The following MAN1C1 variants were observed in gnomAD, a reference collection of about 807,000 sequenced individuals.
MAN1C1 encodes the protein mannosidase alpha class 1C member 1, also known as mannosyl-oligosaccharide 1,2-alpha-mannosidase IC.
A neutral mutation model predicts 71.5 loss-of-function variants in MAN1C1; 49 were observed. That is an observed-to-expected ratio of 0.69 (90% CI 0.54 to 0.87). MAN1C1 has a LOEUF of 0.87. Among genes scored for constraint, MAN1C1 ranks in the 40% least tolerant of loss-of-function variants. The pLI is 0.00. For synonymous variants in MAN1C1, 352 were observed against 343.7 expected, an observed-to-expected ratio of 1.02 and a Z score of -0.27; for missense variants, 743 against 835.0, an observed-to-expected ratio of 0.89 and a Z score of 1.36.
chr1:25,782,436 G>T lies in MAN1C1; in HGVS notation c.1651-149G>T. On this transcript the variant is annotated intron_variant, in intron 10 of 11. Transcript: ENST00000374332. This position sits in a 1 kb window ranked among gnomAD's most constrained non-coding sequence, Gnocchi z 4.4. ...CCCCGAAAGAATAATTTGACCTTCT[G>T]TTCCCACAAATGCCAGGAGTCCCCA... is the stretch of plus-strand genomic sequence containing the variant. 1.7e-6 allele frequency: 1 copy of T among 605,822 alleles called. No individual in the cohort carries two copies. 37.5% of individuals were successfully genotyped at this position (605,822 alleles called of 1,614,324 possible).
chr1:25,650,387 C>G (rs931463531), intron 1 of MAN1C1, among the ~76,000 whole-genome samples: 1 of 152,172 alleles, frequency 6.6e-6, no homozygotes, highest in African/African-American at 2.4e-5. Flanking sequence ...GGGTTCAGAG[C>G]CTTTTATTAC....
intron 2 of MAN1C1, among the ~76,000 whole-genome samples, chr1:25,726,005 G>A (rs866437344): frequency 3.9e-5 from 6 of 152,208 alleles, no homozygotes; most frequent in Non-Finnish European, 5.9e-5. Context: ...GATCACAAAG[G>A]GCCATTTACA....
chr1:25,780,415 CTCGAAGTT>C (rs2047677116), intron 9 of MAN1C1, among the ~76,000 whole-genome samples: 1 of 152,122 alleles, frequency 6.6e-6, no homozygotes, highest in African/African-American at 2.4e-5. Flanking sequence ...TTCCCAAACT[CTCGAAGTT>C]TGTTCTGGGA....
At chr1:25,708,563 C>G (rs568716639) in intron 2 of MAN1C1, among the ~76,000 whole-genome samples, 1 of 152,270 alleles carries the variant, frequency 6.6e-6, no homozygotes, top group East Asian at 1.9e-4. Flanking sequence ...CAGTAGGTCT[C>G]AGCTTCATTT....
chr1:25,750,749 C>G (rs2047203081), intron 4 of MAN1C1, among the ~76,000 whole-genome samples: 1 of 152,184 alleles, frequency 6.6e-6, no homozygotes. Context: ...GCCTGAATTT[C>G]ATTTGAAAAC....
intron 1 of MAN1C1, among the ~76,000 whole-genome samples, chr1:25,666,816 G>T (rs180760114): frequency 6.6e-6 from 1 of 152,168 alleles, no homozygotes; most frequent in African/African-American, 2.4e-5. Flanking sequence ...AAAGAGTCCC[G>T]GTGAGCCACC....
chr1:25,692,066 C>G (rs910609561), intron 2 of MAN1C1, among the ~76,000 whole-genome samples: 1 of 152,176 alleles, frequency 6.6e-6, no homozygotes, highest in East Asian at 1.9e-4. Flanking sequence ...GTTGAGGAAA[C>G]CAAGGCTCAG....
At chr1:25,726,740 G>A (rs1315934648) in intron 2 of MAN1C1, among the ~76,000 whole-genome samples, 3 of 152,042 alleles carry the variant, frequency 2.0e-5, no homozygotes, top group Non-Finnish European at 4.4e-5. Flanking sequence ...CTACACTGCA[G>A]TATAATTATG....
intron 10 of MAN1C1, 191 bp downstream of exon 10, chr1:25,781,303 T>C (rs2047691451): frequency 3.2e-6 from 2 of 617,894 alleles, no homozygotes; most frequent in East Asian, 2.8e-5. Context: ...AAAGTTGTCC[T>C]GAGACAGGAC....
In MAN1C1 at chr1:25,783,693, C is replaced by T. The variant is rs1164669599; in HGVS notation, c.1797C>T (p.Asp599=). The change falls in exon 12 of 12, where the codon GAC becomes GAT. Residue 599 remains aspartate (D), a synonymous_variant. Transcript: ENST00000374332. ...TCTATCTTCTGTTCTCTGAAGATGACTTGCTCTCCCTGGAAGACTGGGTGT... is the reference window on the plus strand; with the variant it reads ...TCTATCTTCTGTTCTCTGAAGATGATTTGCTCTCCCTGGAAGACTGGGTGT... ...KYLYLLFSED[D]LLSLEDWVFN... The T allele has an allele frequency of 1.7e-5, 27 of 1,613,226 alleles. No individual in the cohort carries two copies. The highest frequency in any genetic ancestry group is 1.9e-5 in the Non-Finnish European group (23 of 1,180,000).
At chr1:25,674,009 G>A (rs965329747) in intron 1 of MAN1C1, among the ~76,000 whole-genome samples, 4 of 152,168 alleles carry the variant, frequency 2.6e-5, no homozygotes, top group African/African-American at 7.2e-5. Flanking sequence ...TCCCCCACAC[G>A]CTGTCTTCCT....
chr1:25,632,285 A>T (rs1025736113), intron 1 of MAN1C1, among the ~76,000 whole-genome samples: 17 of 152,034 alleles, frequency 1.1e-4, no homozygotes, highest in African/African-American at 3.6e-4. Flanking sequence ...TTTCTAGTTT[A>T]TGTGCGTAGA....
rs749221145 is a variant in MAN1C1, at chr1:25,782,989, C to T, written c.1766+289C>T. Among the ~76,000 whole-genome samples, 2 of 152,154 alleles carry T rather than the reference C, an allele frequency of 1.3e-5. No homozygotes were observed. Among genetic ancestry groups the T allele is most frequent in the East Asian group, 1.9e-4 (1 of 5,198 alleles). ...CCCAGGTTGCTTCCGTTCTGGGAAC[C>T]GCGTCCTCGTGTGTAAAATGGGATA... is the stretch of plus-strand genomic sequence containing the variant. On this transcript the variant is annotated intron_variant, in intron 11 of 11. Coordinates refer to ENST00000374332, the MANE Select transcript of MAN1C1 (RefSeq NM_020379.4). The surrounding 1 kb of genome is among the most constrained non-coding windows in gnomAD (Gnocchi z 4.4).
At chr1:25,643,595 A>ATTATTATTAT (rs1476040508) in intron 1 of MAN1C1, among the ~76,000 whole-genome samples, 3 of 142,048 alleles carry the variant, frequency 2.1e-5, no homozygotes, top group Admixed American at 7.2e-5. Flanking sequence ...ATTTATTATT[A>ATTATTATTAT]TTATTATTAT....
At chr1:25,655,814 G>T (rs1265158353) in intron 1 of MAN1C1, among the ~76,000 whole-genome samples, 2 of 152,188 alleles carry the variant, frequency 1.3e-5, no homozygotes, top group Non-Finnish European at 2.9e-5. Flanking sequence ...GTGAATAGGA[G>T]AAATTCACTT....
intron 4 of MAN1C1, among the ~76,000 whole-genome samples, chr1:25,751,638 T>TC (rs1375217187): frequency 2.6e-5 from 4 of 152,190 alleles, no homozygotes; most frequent in East Asian, 1.9e-4. Flanking sequence ...TCCTGATCTA[T>TC]CCCCCGAGCA....
chr1:25,671,598 C>G (rs1228884173), intron 1 of MAN1C1, among the ~76,000 whole-genome samples: 3 of 152,176 alleles, frequency 2.0e-5, no homozygotes, highest in Admixed American at 1.3e-4. Context: ...ATCAGAACGC[C>G]TCATGTAGGA....
At chr1:25,744,407 T>C (rs1445336273) in intron 2 of MAN1C1, among the ~76,000 whole-genome samples, 3 of 152,164 alleles carry the variant, frequency 2.0e-5, no homozygotes, top group Non-Finnish European at 4.4e-5. Flanking sequence ...GGAAATTCAC[T>C]TCAGCCCAAA....
At chr1:25,675,487 C>T (rs938993819) in intron 1 of MAN1C1, among the ~76,000 whole-genome samples, 2 of 149,474 alleles carry the variant, frequency 1.3e-5, no homozygotes, top group African/African-American at 5.0e-5. Context: ...ACTCATTGGT[C>T]GATGGGCACT....
Sources: gnomAD v4.1 joint callset for allele counts (sites outside exome capture counted in the v4.1 genomes callset) on GRCh38, gnomAD v4.1.1 for gene constraint, Gnocchi (gnomAD v3.1) non-coding constraint, MANE v1.5 for transcripts, NCBI Gene and HGNC (gene_info 2026-07-23, HGNC 2026-07-21) for gene names.